Variants in DZANK1 observed in about 807,000 individuals in gnomAD.
DZANK1 encodes double zinc ribbon and ankyrin repeat-containing protein 1.
Under a neutral mutation model 94.5 loss-of-function variants are expected in DZANK1, and 91 were observed. The ratio of observed to expected loss-of-function variants is 0.96; its 90% CI spans 0.81 to 1.15. The LOEUF (loss-of-function observed/expected upper bound fraction) is 1.15, where lower values mean the gene tolerates loss of function less well. DZANK1 is among the 50% of genes most tolerant of loss of function. The pLI is 0.00. For synonymous variants in DZANK1, 312 were observed against 325.3 expected, an observed-to-expected ratio of 0.96 and a Z score of 0.44; for missense variants, 903 against 916.4, an observed-to-expected ratio of 0.99 and a Z score of 0.19.
In DZANK1 at chr20:18,462,393, A is replaced by G. The variant is rs1214033582; in HGVS notation, c.110-2087T>C. On this transcript the variant is annotated intron_variant, in intron 2 of 20. Coordinates refer to ENST00000262547, the Ensembl canonical transcript of DZANK1. The stretch of plus-strand genomic sequence containing the variant: ...CGAAGGGGCAGAGAGAAGCGTAAGG[A>G]GAAGAAATATTTTCATATGTTTAAG... 2.6e-5 allele frequency among the ~76,000 whole-genome samples: 4 copies of G among 152,272 alleles called. No homozygotes were observed. In the East Asian group the frequency reaches 7.7e-4, roughly 29 times the overall value.
exon 8 of DZANK1, chr20:18,443,393 A>C (rs367908553): frequency 6.5e-7 from 1 of 1,547,834 alleles, no homozygotes; most frequent in Non-Finnish European, 8.7e-7. Context: ...TATGGGTGGG[A>C]CAGGAGAGCC....
intron 17 of DZANK1, 123 bp downstream of exon 17, chr20:18,393,587 AG>A: frequency 1.6e-6 from 1 of 634,578 alleles, no homozygotes; most frequent in Non-Finnish European, 2.7e-6. Flanking sequence ...GGATGCCATG[AG>A]AAACCTCATA....
chr20:18,420,201 C>A, intron 10 of DZANK1: 1 of 207,334 alleles, frequency 4.8e-6, no homozygotes, highest in South Asian at 9.6e-5. Context: ...CTCAGATGCT[C>A]ATCCAAACAC....
intron 13 of DZANK1, among the ~76,000 whole-genome samples, chr20:18,407,778 A>G (rs1344188326): frequency 6.6e-6 from 1 of 152,262 alleles, no homozygotes; most frequent in Non-Finnish European, 1.5e-5. Flanking sequence ...AATAGAACTG[A>G]CATGCTAAAA....
intron 7 of DZANK1, among the ~76,000 whole-genome samples, chr20:18,445,281 G>A (rs530589383): frequency 1.3e-5 from 2 of 151,938 alleles, no homozygotes; most frequent in Admixed American, 6.5e-5. Context: ...CTTAGCAAGA[G>A]GACAAAAAAA....
chr20:18,415,560 G>T, intron 10 of DZANK1, 111 bp from the exon 11 acceptor site: 1 of 1,189,912 alleles, frequency 8.4e-7, no homozygotes, highest in African/African-American at 1.6e-5. Flanking sequence ...CGGAAATAGT[G>T]TTTTTTTTGT....
intron 10 of DZANK1, among the ~76,000 whole-genome samples, chr20:18,424,225 G>C (rs1439324524): frequency 6.6e-6 from 1 of 152,246 alleles, no homozygotes; most frequent in Non-Finnish European, 1.5e-5. Flanking sequence ...CAAGGCGGGT[G>C]GATCACCTGA....
chr20:18,403,171 T>C (rs773445063), intron 13 of DZANK1, among the ~76,000 whole-genome samples: 1 of 152,192 alleles, frequency 6.6e-6, no homozygotes, highest in East Asian at 1.9e-4. Context: ...AGATGGGGGC[T>C]CCCTTTCTCT....
At chr20:18,452,858 T>C in intron 5 of DZANK1, 119 bp from the exon 6 acceptor site, 2 of 1,048,802 alleles carry the variant, frequency 1.9e-6, no homozygotes, top group Non-Finnish European at 2.7e-6. Context: ...ATTGCTTCCC[T>C]AGAAGTAACA....
At chr20:18,394,268 C>T (rs1310371933) in exon 16 of DZANK1, 3 of 1,613,572 alleles carry the variant, frequency 1.9e-6, no homozygotes, top group South Asian at 2.2e-5. Context: ...GCTGGACCTG[C>T]TGCCGCACAG....
chr20:18,449,799 C>T lies in DZANK1; in HGVS notation c.544-730G>A, dbSNP rs2059029032. ...AGTAAAAATAAATAAATAAACTCGG[C>T]TGGGCACAGTGGCTCATGCCTACAA... On this transcript the variant is annotated intron_variant, in intron 6 of 20. Transcript: ENST00000262547. 2.7e-5 allele frequency among the ~76,000 whole-genome samples: 4 copies of T among 149,044 alleles called. No individual in the cohort carries two copies. The South Asian group carries it at 8.5e-4, about 32-fold the overall frequency.
chr20:18,412,500 A>G, intron 13 of DZANK1, 146 bp downstream of exon 13: 1 of 865,128 alleles, frequency 1.2e-6, no homozygotes, highest in Non-Finnish European at 1.8e-6. Context: ...TTTCCAATAC[A>G]AAGAAAATTA....
intron 7 of DZANK1, among the ~76,000 whole-genome samples, chr20:18,444,798 GTTTATTTA>G (rs750385324): frequency 3.3e-5 from 5 of 151,884 alleles, no homozygotes; most frequent in African/African-American, 1.2e-4. Context: ...ATATTTGTTT[GTTTATTTA>G]TTTATTTATT....
At chr20:18,453,610 C>A in intron 5 of DZANK1, 121 bp downstream of exon 5, 1 of 692,664 alleles carries the variant, frequency 1.4e-6, no homozygotes, top group Non-Finnish European at 2.5e-6. Context: ...AGCATACTTT[C>A]CTGCCCCAGT....
At chr20:18,421,164 T>C (rs1257823704) in intron 10 of DZANK1, 1 of 154,392 alleles carries the variant, frequency 6.5e-6, no homozygotes, top group Non-Finnish European at 1.5e-5. Flanking sequence ...AAGAAGTACA[T>C]AACTGGTCAT....
chr20:18,452,535 T>C, intron 6 of DZANK1, 80 bp downstream of exon 6: 1 of 1,445,564 alleles, frequency 6.9e-7, no homozygotes, highest in Admixed American at 2.5e-5. Context: ...GTGGGGGAGG[T>C]GCAGTCTTAA....
intron 10 of DZANK1, among the ~76,000 whole-genome samples, chr20:18,418,786 A>G (rs1321461841): frequency 1.3e-5 from 2 of 152,222 alleles, no homozygotes; most frequent in East Asian, 3.8e-4. Flanking sequence ...AAATCTCAGC[A>G]AAGAAATAGA....
rs575927119 is a variant in DZANK1 at position 18,402,360 on chromosome 20, G to A, written c.1433-3734C>T. ...CCCGATGAGATCTCAGGAGTTGGAC[G>A]AGTGGGATCAGGCATGTGCACTAAG... On this transcript the variant is annotated intron_variant, in intron 13 of 20. Coordinates refer to ENST00000262547, the Ensembl canonical transcript of DZANK1. Among the ~76,000 whole-genome samples the A allele has an allele frequency of 2.9e-4, 44 of 152,256 alleles. 1 individual carries two copies. The highest frequency in any genetic ancestry group is 1.9e-3 in the South Asian group (9 of 4,814).
At chr20:18,447,348 G>A (rs895577941) in intron 7 of DZANK1, among the ~76,000 whole-genome samples, 1 of 152,022 alleles carries the variant, frequency 6.6e-6, no homozygotes, top group African/African-American at 2.4e-5. Context: ...GCATAGTGGC[G>A]CATGCCTCTG....
Sources: gnomAD v4.1 joint callset for allele counts (sites outside exome capture counted in the v4.1 genomes callset) on GRCh38, gnomAD v4.1.1 for gene constraint, MANE v1.5 for transcripts, NCBI Gene and HGNC (gene_info 2026-07-23, HGNC 2026-07-21) for gene names.